The following TTC7A variants were observed in gnomAD, a reference collection of about 807,000 sequenced individuals.
The protein encoded by TTC7A is tetratricopeptide repeat protein 7A.
TTC7A carries 110 observed loss-of-function variants against 103.7 expected under a neutral mutation model. The observed-to-expected ratio is 1.06, with a 90% CI of 0.91 to 1.24. The LOEUF (loss-of-function observed/expected upper bound fraction) is 1.24. Among genes scored for constraint, TTC7A ranks in the 50% most tolerant of loss-of-function variants. The pLI, the probability that TTC7A is intolerant of heterozygous loss-of-function variation, is 0.00. For missense variants in TTC7A, 1,340 were observed against 1,116.3 expected (o/e 1.20, Z -2.86); for synonymous variants, 521 against 467.9 (o/e 1.11, Z -1.47).
At chr2:47,011,264 G>T in intron 10 of TTC7A, 67 bp from the exon 11 acceptor site, 2 of 1,447,110 alleles carry the variant, frequency 1.4e-6, no homozygotes, top group Non-Finnish European at 9.6e-7. Flanking sequence ...TGGGAAGCTC[G>T]CCCCACTGTG....
At chr2:47,064,707 G>C (rs1379344322) in intron 19 of TTC7A, among the ~76,000 whole-genome samples, 1 of 152,158 alleles carries the variant, frequency 6.6e-6, no homozygotes, top group African/African-American at 2.4e-5. Flanking sequence ...TTGGGTCATT[G>C]AGAGCCCTCC....
chr2:47,073,947 A>C lies in TTC7A; in HGVS notation c.*24A>C, dbSNP rs1210829808. 5 of 1,593,552 alleles carry C rather than the reference A, an allele frequency of 3.1e-6. No individual in the cohort carries two copies. In the South Asian group the frequency reaches 5.6e-5, roughly 18 times the overall value. ...GACGACGCTGCAGCCGCAGGGAGGG[A>C]GGGGCTGGCCAGAGGGAGAGGCAGC... On this transcript the variant is annotated 3_prime_UTR_variant, in exon 20 of 20. Transcript: ENST00000319190.
intron 5 of TTC7A, among the ~76,000 whole-genome samples, chr2:46,989,559 G>A (rs1298198371): frequency 6.6e-6 from 1 of 152,080 alleles, no homozygotes; most frequent in African/African-American, 2.4e-5. Context: ...TCTCAGGTCA[G>A]TGTTAGCTGG....
At chr2:47,021,011 G>T (rs1374296729) in intron 11 of TTC7A, among the ~76,000 whole-genome samples, 1 of 152,248 alleles carries the variant, frequency 6.6e-6, no homozygotes, top group Non-Finnish European at 1.5e-5. Context: ...GGGTGGCACT[G>T]AAGGGTTTGC....
intron 1 of TTC7A, among the ~76,000 whole-genome samples, chr2:46,945,438 C>T (rs1269999517): frequency 2.6e-5 from 4 of 152,190 alleles, no homozygotes; most frequent in Non-Finnish European, 4.4e-5. Context: ...TTTTTAGAGA[C>T]GAGGTTTCAC....
chr2:47,070,754 CA>C (rs1684610606), intron 19 of TTC7A, among the ~76,000 whole-genome samples: 1 of 152,252 alleles, frequency 6.6e-6, no homozygotes, highest in East Asian at 1.9e-4. Context: ...GGACTTCCCC[CA>C]GAGCCCTGCA....
chr2:46,960,267 G>T (rs1204036061), intron 3 of TTC7A, among the ~76,000 whole-genome samples: 1 of 152,192 alleles, frequency 6.6e-6, no homozygotes, highest in Non-Finnish European at 1.5e-5. Flanking sequence ...GCTCAGTAAT[G>T]CCCTGTTCTG....
chr2:46,934,643 T>C (rs2103853574), intron 2 of TTC7A, among the ~76,000 whole-genome samples: 1 of 151,968 alleles, frequency 6.6e-6, no homozygotes, highest in South Asian at 2.1e-4. Flanking sequence ...CCTCCCCTCA[T>C]AGGTTGCAGT....
chr2:47,026,258 C>T (rs1679904509), intron 14 of TTC7A, among the ~76,000 whole-genome samples: 2 of 152,188 alleles, frequency 1.3e-5, no homozygotes, highest in Non-Finnish European at 2.9e-5. Flanking sequence ...GATTTGGATA[C>T]GTAGCCCAGG....
At chr2:46,964,439 G>C (rs1441283520) in intron 3 of TTC7A, among the ~76,000 whole-genome samples, 1 of 152,202 alleles carries the variant, frequency 6.6e-6, no homozygotes, top group Non-Finnish European at 1.5e-5. Flanking sequence ...GTAAGGCTCA[G>C]GGTGTCTCTC....
chr2:46,939,086 G>C (rs979432626), upstream of TTC7A, among the ~76,000 whole-genome samples: 4 of 151,518 alleles, frequency 2.6e-5, no homozygotes, highest in African/African-American at 9.7e-5. Flanking sequence ...GACCAGCCTG[G>C]GCAACACAGC....
At chr2:46,972,993 T>A (rs1421688295) in intron 3 of TTC7A, among the ~76,000 whole-genome samples, 2 of 152,212 alleles carry the variant, frequency 1.3e-5, no homozygotes, top group Non-Finnish European at 2.9e-5. Flanking sequence ...AGGCCAGAAT[T>A]CACTGTGGCC....
intron 12 of TTC7A, among the ~76,000 whole-genome samples, 182 bp downstream of exon 12, chr2:47,022,161 C>G (rs560306240): frequency 6.6e-6 from 1 of 152,336 alleles, no homozygotes; most frequent in African/African-American, 2.4e-5. Context: ...ACACGCGCCC[C>G]TCAGACCCAT....
chr2:46,978,945 C>T (rs772403681), intron 5 of TTC7A, 38 bp downstream of exon 5: 2 of 1,478,628 alleles, frequency 1.4e-6, no homozygotes, highest in South Asian at 1.1e-5. Flanking sequence ...GAGAACGATT[C>T]CCCTGGGCTG....
intron 3 of TTC7A, 118 bp from the exon 4 acceptor site, chr2:46,974,855 C>G: frequency 6.9e-7 from 1 of 1,443,650 alleles, no homozygotes; most frequent in Non-Finnish European, 9.4e-7. Context: ...CCTCCGCCTC[C>G]TCCTGGCTGC....
At chr2:46,934,326 T>G (rs1006418823) in intron 2 of TTC7A, among the ~76,000 whole-genome samples, 1 of 152,214 alleles carries the variant, frequency 6.6e-6, no homozygotes, top group Non-Finnish European at 1.5e-5. Flanking sequence ...TGGCACAATC[T>G]CAGCTCACTG....
At chr2:46,987,007 G>A (rs925456279) in intron 5 of TTC7A, among the ~76,000 whole-genome samples, 7 of 152,242 alleles carry the variant, frequency 4.6e-5, no homozygotes, top group Non-Finnish European at 8.8e-5. Context: ...TATTGATTCA[G>A]TAGCTGATTC....
At chr2:47,027,348 C>T (rs1376137359) in intron 14 of TTC7A, among the ~76,000 whole-genome samples, 1 of 152,242 alleles carries the variant, frequency 6.6e-6, no homozygotes, top group Non-Finnish European at 1.5e-5. Flanking sequence ...AGGCCTGTCA[C>T]TCACCAAACA....
rs768316317 is a variant in TTC7A at position 46,950,469 on chromosome 2, G to T, written c.291G>T (p.Pro97=). Residue 97 remains proline (P), a synonymous_variant, in exon 2 of 20, where the codon CCG becomes CCT. Coordinates refer to ENST00000319190, the MANE Select transcript of TTC7A (RefSeq NM_020458.4). ...TGCCTTTGCTGGAGAAGAATGAGCC[G>T]AAGATGAGCGAAGCCAAAAATTATC... ...DSMPLLEKNE[P]KMSEAKNYLS... The T allele has an allele frequency of 1.2e-6, 2 of 1,614,116 alleles. No individual in the cohort carries two copies. The highest frequency in any genetic ancestry group is 1.7e-6 in the Non-Finnish European group (2 of 1,180,028).
Sources: gnomAD v4.1 joint callset for allele counts (sites outside exome capture counted in the v4.1 genomes callset) on GRCh38, gnomAD v4.1.1 for gene constraint, MANE v1.5 for transcripts, NCBI Gene and HGNC (gene_info 2026-07-23, HGNC 2026-07-21) for gene names.